MAP3K13: variants seen among roughly 807,000 people sequenced by gnomAD.
MAP3K13 encodes mitogen-activated protein kinase kinase kinase 13.
Under a neutral mutation model 104.0 loss-of-function variants are expected in MAP3K13, and 52 were observed. The observed-to-expected ratio is 0.50, with a 90% CI of 0.40 to 0.63. The LOEUF (loss-of-function observed/expected upper bound fraction) is 0.63, where lower values mean the gene tolerates loss of function less well. Among genes scored for constraint, MAP3K13 ranks in the 20% least tolerant of loss-of-function variants. The pLI, the probability that MAP3K13 is intolerant of heterozygous loss-of-function variation, is 0.00. For synonymous variants in MAP3K13, 394 were observed against 442.2 expected, an observed-to-expected ratio of 0.89 and a Z score of 1.37; for missense variants, 914 against 1,218.5, an observed-to-expected ratio of 0.75 and a Z score of 3.72.
At chr3:185,324,187 A>G (rs1283180788) in intron 2 of MAP3K13, among the ~76,000 whole-genome samples, 1 of 150,866 alleles carries the variant, frequency 6.6e-6, no homozygotes, top group African/African-American at 2.4e-5. Flanking sequence ...ATTTTTTTTT[A>G]TTTTTTATTT....
At chr3:185,324,297 C>A (rs986437391) in intron 2 of MAP3K13, among the ~76,000 whole-genome samples, 7 of 152,178 alleles carry the variant, frequency 4.6e-5, no homozygotes, top group Admixed American at 4.6e-4. Flanking sequence ...GGATTACAGG[C>A]GTGAGCCACC....
chr3:185,449,505 G>A (rs1031996854), intron 5 of MAP3K13, among the ~76,000 whole-genome samples: 1 of 151,158 alleles, frequency 6.6e-6, no homozygotes, highest in Non-Finnish European at 1.5e-5. Flanking sequence ...TTGATTTATG[G>A]TGAGTTATAG....
chr3:185,299,425 C>G (rs1387622691), intron 2 of MAP3K13, among the ~76,000 whole-genome samples: 1 of 152,246 alleles, frequency 6.6e-6, no homozygotes, highest in Non-Finnish European at 1.5e-5. Flanking sequence ...TCTGTGGGCC[C>G]TTGTGTTACT....
chr3:185,453,537 G>A (rs915716390), intron 7 of MAP3K13, among the ~76,000 whole-genome samples: 13 of 151,968 alleles, frequency 8.6e-5, no homozygotes, highest in South Asian at 6.2e-4. Context: ...TTGGGAGGCC[G>A]AGGCGGGCAG....
Position 185,466,928 on chromosome 3 carries a change from A to G in MAP3K13, c.1608A>G (p.Lys536=). The G allele has an allele frequency of 6.2e-7, 1 of 1,614,018 alleles. No individual in the cohort carries two copies. The highest frequency in any genetic ancestry group is 1.1e-5 in the South Asian group (1 of 91,074). The change falls in exon 10 of 14, where the codon AAA becomes AAG. Residue 536 remains lysine (K), a synonymous_variant. Transcript: ENST00000265026. ...CCATGGAGAAACTCATGAAAAGGAA[A>G]GGAGTGCCTCACAAATCTGGGATGC... is the stretch of plus-strand genomic sequence containing the variant. ...PNAMEKLMKR[K]GVPHKSGMQT... is the part of the protein sequence containing the mutation.
chr3:185,296,296 G>A (rs1430586666), intron 2 of MAP3K13, among the ~76,000 whole-genome samples: 2 of 152,078 alleles, frequency 1.3e-5, no homozygotes, highest in Admixed American at 6.6e-5. Flanking sequence ...CCAAGTATGA[G>A]CCCAAGTCCT....
Position 185,465,751 on chromosome 3 carries a change from G to A in MAP3K13, c.1393G>A (p.Ala465Thr), listed in dbSNP as rs1207755537. 1 of 1,612,900 alleles carries A rather than the reference G, an allele frequency of 6.2e-7. No individual in the cohort carries two copies. Among genetic ancestry groups the A allele is most frequent in the Non-Finnish European group, 8.5e-7 (1 of 1,178,890 alleles). The change falls in exon 9 of 14, where the codon GCG becomes ACG. Residue 465 changes from alanine (A) to threonine (T), a missense_variant. Around this residue, in one of 3 missense-constraint regions of MAP3K13, gnomAD observed 583 missense variants for 737.4 expected, o/e 0.79. Transcript: ENST00000265026. ...IRRRREELRH[A>T]LDIREHYERK... ...ACCCTGTGTTTTCTCTGACAGGCAT[G>A]CGCTGGATATTCGTGAACACTATGA...
chr3:185,371,322 T>G (rs1178602293), intron 1 of MAP3K13, among the ~76,000 whole-genome samples: 1 of 152,246 alleles, frequency 6.6e-6, no homozygotes, highest in East Asian at 1.9e-4. Flanking sequence ...TCATATAGCA[T>G]TTTCATTTAG....
At chr3:185,308,138 T>G (rs1214325478) in intron 2 of MAP3K13, among the ~76,000 whole-genome samples, 1 of 151,824 alleles carries the variant, frequency 6.6e-6, no homozygotes, top group Non-Finnish European at 1.5e-5. Flanking sequence ...CCCAGTCTTC[T>G]GGACTGGCTT....
At chr3:185,308,342 TC>T (rs889634307) in intron 2 of MAP3K13, among the ~76,000 whole-genome samples, 16 of 152,254 alleles carry the variant, frequency 1.1e-4, no homozygotes, top group Admixed American at 7.2e-4. Flanking sequence ...TTTCTGGTGT[TC>T]CTACAAGCTG....
rs374643532 is a variant in MAP3K13 at position 185,480,519 on chromosome 3, G to A, written c.2789G>A (p.Arg930His). 1.7e-5 allele frequency: 27 copies of A among 1,612,962 alleles called. No individual in the cohort carries two copies. The highest frequency in any genetic ancestry group is 1.8e-5 in the Non-Finnish European group (21 of 1,179,236). Reference sequence around the variant, plus strand: ...CTGGGCAAGCTGTGTGTGGAGGAACGTGGCTATGAGGTGGGGGCTTCTCCC... The same window carrying A: ...CTGGGCAAGCTGTGTGTGGAGGAACATGGCTATGAGGTGGGGGCTTCTCCC... ...MSLGKLCVEE[R>H]GYENPMQFEE... Residue 930 changes from arginine (R) to histidine (H), a missense_variant, in exon 13 of 14, where the codon CGT (arginine) becomes CAT (histidine). Transcript: ENST00000265026.
intron 2 of MAP3K13, among the ~76,000 whole-genome samples, chr3:185,351,866 G>A (rs1723150607): frequency 1.3e-5 from 2 of 152,158 alleles, no homozygotes; most frequent in African/African-American, 4.8e-5. Flanking sequence ...AGGACAGATA[G>A]ACAGCTTTGA....
chr3:185,371,309 T>G (rs971829411), intron 1 of MAP3K13, among the ~76,000 whole-genome samples: 1 of 152,234 alleles, frequency 6.6e-6, no homozygotes, highest in African/African-American at 2.4e-5. Flanking sequence ...GCTATAATAA[T>G]TTTCATATAG....
intron 12 of MAP3K13, among the ~76,000 whole-genome samples, chr3:185,477,987 C>G (rs1182041261): frequency 1.3e-5 from 2 of 152,058 alleles, no homozygotes; most frequent in African/African-American, 4.8e-5. Flanking sequence ...TATTAATTAC[C>G]TCCTAAAGAC....
intron 2 of MAP3K13, among the ~76,000 whole-genome samples, chr3:185,305,641 A>G (rs1052302121): frequency 2.0e-5 from 3 of 152,052 alleles, no homozygotes; most frequent in African/African-American, 7.2e-5. Flanking sequence ...TTTTATTTCA[A>G]CCCGAGGGAC....
intron 2 of MAP3K13, among the ~76,000 whole-genome samples, chr3:185,350,192 T>G (rs900960503): frequency 3.9e-5 from 6 of 152,188 alleles, no homozygotes; most frequent in Admixed American, 2.6e-4. Context: ...TATGACACTT[T>G]CTCTTTTTTT....
intron 7 of MAP3K13, among the ~76,000 whole-genome samples, chr3:185,454,506 G>A (rs1401796638): frequency 7.6e-5 from 7 of 92,270 alleles, no homozygotes; most frequent in Admixed American, 1.5e-4. Context: ...ATATATATGA[G>A]ATATATATGA....
At chr3:185,480,088 T>C (rs2148930161) in intron 12 of MAP3K13, 144 bp from the exon 13 acceptor site, 2 of 760,240 alleles carry the variant, frequency 2.6e-6, no homozygotes, top group Middle Eastern at 3.4e-4. Flanking sequence ...AAAAGTTAAA[T>C]AGTTTCTACC....
At position 185,447,848 on chromosome 3, in the gene MAP3K13, T is replaced by A; in HGVS notation, c.911T>A (p.Leu304His). The A allele has an allele frequency of 6.2e-7, 1 of 1,613,972 alleles. No individual in the cohort carries two copies. The highest frequency in any genetic ancestry group is 8.5e-7 in the Non-Finnish European group (1 of 1,179,866). ...TCAGATTTTGGTACATCTAAGGAAC[T>A]CAGTGACAAAAGTACCAAGATGTCA... Reference protein sequence around the residue: ...KISDFGTSKELSDKSTKMSFA... With the variant: ...KISDFGTSKEHSDKSTKMSFA... Residue 304 changes from leucine (L) to histidine (H), a missense_variant, in exon 5 of 14, where the codon CTC (leucine) becomes CAC (histidine). By Grantham distance (99) the Leu-to-His change is moderately conservative. Coordinates refer to ENST00000265026, the MANE Select transcript of MAP3K13 (RefSeq NM_004721.5).
Sources: gnomAD v4.1 joint callset for allele counts (sites outside exome capture counted in the v4.1 genomes callset) on GRCh38, gnomAD v4.1.1 for gene constraint, gnomAD v4.1.1 regional missense constraint, MANE v1.5 for transcripts, NCBI Gene and HGNC (gene_info 2026-07-23, HGNC 2026-07-21) for gene names.